The following CCT6A variants were observed in gnomAD, a reference collection of about 807,000 sequenced individuals.
CCT6A encodes the protein chaperonin containing TCP1 subunit 6A.
CCT6A carries 6 observed loss-of-function variants against 58.6 expected under a neutral mutation model. The ratio of observed to expected loss-of-function variants is 0.10; its 90% confidence interval spans 0.06 to 0.20. The LOEUF is 0.20. Ranked by LOEUF, CCT6A falls within the 10% of genes least tolerant of loss-of-function variation. The pLI, the probability that CCT6A is intolerant of heterozygous loss-of-function variation, is 1.00. For synonymous variants in CCT6A, 245 were observed against 227.8 expected (o/e 1.08, Z -0.68); for missense variants, 516 against 648.8 (o/e 0.80, Z 2.22).
intron 3 of CCT6A, 176 bp from the exon 4 acceptor site, chr7:56,055,448 C>A: frequency 2.9e-6 from 2 of 691,060 alleles, no homozygotes; most frequent in Non-Finnish European, 5.2e-6. Context: ...TTCATCTGCT[C>A]TGCATTGAAA....
At chr7:56,059,761 T>A (rs916425399) in intron 9 of CCT6A, 121 bp downstream of exon 9, 33 of 608,540 alleles carry the variant, frequency 5.4e-5, no homozygotes, top group African/African-American at 3.5e-4. Flanking sequence ...TGATCACAGT[T>A]CACTACAGCC....
rs141752926 is a variant in CCT6A at position 56,058,020 on chromosome 7, C to T, written c.642C>T (p.His214=). 7.6e-5 allele frequency: 123 copies of T among 1,611,522 alleles called. No individual in the cohort carries two copies. Among genetic ancestry groups the T allele is most frequent in the Middle Eastern group, 1.7e-4 (1 of 5,960 alleles). ...TAATCAGAGGGCTTGTTTTGGACCA[C>T]GGAGCACGGCATCCTGATATGAAGA... ...TSLIRGLVLD[H]GARHPDMKKR... The change falls in exon 6 of 14, where the codon CAC becomes CAT. Residue 214 remains histidine, a synonymous_variant. Transcript: ENST00000275603.
At chr7:56,057,112 A>G (rs1280497270) in intron 5 of CCT6A, among the ~76,000 whole-genome samples, 1 of 152,098 alleles carries the variant, frequency 6.6e-6, no homozygotes. Flanking sequence ...TGGATATAAA[A>G]TGTTATATAT....
In CCT6A at chr7:56,063,520, G is replaced by A; in HGVS notation, c.*435G>A. 5.6e-6 allele frequency: 1 copy of A among 178,950 alleles called. No individual in the cohort carries two copies. Among genetic ancestry groups the A allele is most frequent in the East Asian group, 1.7e-4 (1 of 5,852 alleles). The allele number at this position is 178,950 out of a possible 1,614,324, so 11.1% of individuals were successfully genotyped here. On this transcript the variant is annotated 3_prime_UTR_variant, in exon 14 of 14. Coordinates refer to ENST00000275603, the MANE Select transcript of CCT6A (RefSeq NM_001762.4). The stretch of plus-strand genomic sequence containing the variant: ...AAATGCTCAAGTAATTTAAAATATT[G>A]AAAGCATCCCTGTTGGTATAAATTT...
At chr7:56,053,499 C>G (rs1329556664) in intron 2 of CCT6A, among the ~76,000 whole-genome samples, 1 of 152,064 alleles carries the variant, frequency 6.6e-6, no homozygotes, top group East Asian at 1.9e-4. Context: ...TGCTTGTAAT[C>G]GCAGCACTTT....
At chr7:56,060,670 T>G (rs1244230382) in intron 10 of CCT6A, 137 bp from the exon 11 acceptor site, 2 of 1,173,790 alleles carry the variant, frequency 1.7e-6, no homozygotes, top group Non-Finnish European at 2.5e-6. Context: ...TGAACCATTC[T>G]CCTATTTGGT....
At position 56,058,017 on chromosome 7, in the gene CCT6A, C is replaced by T; in HGVS notation, c.639C>T (p.Asp213=). The change falls in exon 6 of 14, where the codon GAC becomes GAT. Residue 213 remains aspartate (D), a synonymous_variant. Coordinates refer to ENST00000275603, the MANE Select transcript of CCT6A (RefSeq NM_001762.4). Reference sequence around the variant, plus strand: ...GCTTAATCAGAGGGCTTGTTTTGGACCACGGAGCACGGCATCCTGATATGA... The same window carrying T: ...GCTTAATCAGAGGGCTTGTTTTGGATCACGGAGCACGGCATCCTGATATGA... ...DTSLIRGLVL[D]HGARHPDMKK... 6.2e-7 allele frequency: 1 copy of T among 1,611,388 alleles called. No homozygotes were observed.
chr7:56,055,827 A>C, intron 4 of CCT6A, 30 bp downstream of exon 4: 1 of 1,492,150 alleles, frequency 6.7e-7, no homozygotes, highest in Non-Finnish European at 9.3e-7. Context: ...TATGTCTGGT[A>C]TAGTATACCT....
At chr7:56,062,908 GAA>G in intron 13 of CCT6A, 103 bp from the exon 14 acceptor site, 1 of 1,154,388 alleles carries the variant, frequency 8.7e-7, no homozygotes, top group Non-Finnish European at 1.3e-6. Flanking sequence ...GGGGAAGGGG[GAA>G]ATTTAATTGG....
chr7:56,054,306 G>T, intron 2 of CCT6A, 63 bp from the exon 3 acceptor site: 2 of 1,409,692 alleles, frequency 1.4e-6, no homozygotes, highest in Non-Finnish European at 2.0e-6. Context: ...CCTGCATTTT[G>T]TCTGTGGTAT....
chr7:56,053,367 C>T (rs1399847592), intron 2 of CCT6A, among the ~76,000 whole-genome samples: 4 of 152,118 alleles, frequency 2.6e-5, no homozygotes, highest in Non-Finnish European at 5.9e-5. Flanking sequence ...TTAGTAAGGA[C>T]TTGCTAACCT....
intron 11 of CCT6A, 105 bp downstream of exon 11, chr7:56,061,045 A>G: frequency 3.1e-6 from 4 of 1,301,228 alleles, no homozygotes; most frequent in Non-Finnish European, 4.2e-6. Context: ...AGCAAGTTTG[A>G]TCAGTTTTCT....
intron 8 of CCT6A, 76 bp from the exon 9 acceptor site, chr7:56,059,468 C>T (rs1794384547): frequency 1.3e-6 from 1 of 786,968 alleles, no homozygotes; most frequent in African/African-American, 1.7e-5. Context: ...AAAATTCCTT[C>T]CTAAAAATTA....
chr7:56,057,352 T>G (rs1249139960), intron 5 of CCT6A, among the ~76,000 whole-genome samples: 1 of 139,438 alleles, frequency 7.2e-6, no homozygotes, highest in Non-Finnish European at 1.6e-5. Context: ...ATGTTTGTTT[T>G]CCCTTTGGGG....
At chr7:56,055,380 C>T (rs1045282635) in intron 3 of CCT6A, 13 of 587,134 alleles carry the variant, frequency 2.2e-5, no homozygotes, top group Non-Finnish European at 4.0e-5. Context: ...CAGTGAACAC[C>T]CAAGTGTGCT....
At chr7:56,055,962 ATAATAGTATACC>A (rs1794295313) in intron 4 of CCT6A, 165 bp downstream of exon 4, 1 of 568,924 alleles carries the variant, frequency 1.8e-6, no homozygotes, top group African/African-American at 1.9e-5. Context: ...GGAAATTAAA[ATAATAGTATACC>A]TAACCAGGTT....
intron 5 of CCT6A, among the ~76,000 whole-genome samples, chr7:56,056,986 G>A (rs575404260): frequency 1.2e-4 from 18 of 151,900 alleles, no homozygotes; most frequent in Non-Finnish European, 1.9e-4. Flanking sequence ...TAGTAGAGAC[G>A]GGGTTTCACC....
intron 8 of CCT6A, among the ~76,000 whole-genome samples, chr7:56,059,247 C>T (rs1794380528): frequency 6.6e-6 from 1 of 152,068 alleles, no homozygotes; most frequent in Middle Eastern, 3.4e-3. Context: ...GTGATCCACC[C>T]ACCTCAACCT....
chr7:56,056,865 C>T (rs1474819085), intron 5 of CCT6A, among the ~76,000 whole-genome samples: 4 of 149,166 alleles, frequency 2.7e-5, no homozygotes, highest in Non-Finnish European at 4.4e-5. Context: ...GGCATGATCT[C>T]GGCTCACTGC....
Sources: allele counts gnomAD v4.1 joint callset (sites outside exome capture counted in the v4.1 genomes callset), GRCh38; gene constraint gnomAD v4.1.1; transcripts MANE v1.5; gene names NCBI Gene and HGNC (gene_info 2026-07-23, HGNC 2026-07-21).